GREB1: variants seen among roughly 807,000 people sequenced by gnomAD.
The protein encoded by GREB1 is growth regulating estrogen receptor binding 1.
Under a neutral mutation model 200.7 loss-of-function variants are expected in GREB1, and 106 were observed. That is an observed-to-expected ratio of 0.53 (90% CI 0.45 to 0.62). The LOEUF is 0.62. GREB1 is among the 20% of genes least tolerant of loss of function. The pLI is 0.00. For missense variants in GREB1, 2,243 were observed against 2,556.8 expected (o/e 0.88, Z 2.65); for synonymous variants, 1,132 against 1,092.4 (o/e 1.04, Z -0.72).
At chr2:11,625,649 C>T (rs1218298948) in intron 24 of GREB1, among the ~76,000 whole-genome samples, 1 of 152,144 alleles carries the variant, frequency 6.6e-6, no homozygotes, top group Non-Finnish European at 1.5e-5. Flanking sequence ...ACGTGTTCAC[C>T]TCTCCTCCCC....
intron 19 of GREB1, among the ~76,000 whole-genome samples, chr2:11,614,862 A>G (rs1348565454): frequency 1.3e-5 from 2 of 152,174 alleles, no homozygotes; most frequent in African/African-American, 4.8e-5. Context: ...CCCAAAAGTT[A>G]GTGCAGCACA....
intron 17 of GREB1, among the ~76,000 whole-genome samples, chr2:11,604,595 A>G (rs1682082437): frequency 6.6e-6 from 1 of 152,204 alleles, no homozygotes; most frequent in Admixed American, 6.5e-5. Context: ...ATGGAGAATC[A>G]TAGGAACTTC....
At chr2:11,577,867 G>A (rs560332061) in intron 5 of GREB1, among the ~76,000 whole-genome samples, 28 of 152,334 alleles carry the variant, frequency 1.8e-4, no homozygotes, top group Non-Finnish European at 3.4e-4. Context: ...CCAGTTCACC[G>A]TCTTTGATCA....
At chr2:11,551,751 G>C (rs369866784) in intron 1 of GREB1, among the ~76,000 whole-genome samples, 1 of 152,254 alleles carries the variant, frequency 6.6e-6, no homozygotes. Flanking sequence ...CCGCAGCCCG[G>C]GTTCGATTCC....
At chr2:11,534,462 A>G (rs572548902) in intron 1 of GREB1, among the ~76,000 whole-genome samples, 14 of 152,338 alleles carry the variant, frequency 9.2e-5, no homozygotes, top group Non-Finnish European at 1.5e-4. Flanking sequence ...AACAAGCGTT[A>G]TAGCTGAACT....
At chr2:11,562,017 A>G (rs1292961345) in intron 2 of GREB1, among the ~76,000 whole-genome samples, 1 of 152,084 alleles carries the variant, frequency 6.6e-6, no homozygotes, top group Non-Finnish European at 1.5e-5. Context: ...ACACTATGGT[A>G]CCATCTACAC....
chr2:11,564,192 A>C (rs1486940768), intron 3 of GREB1, among the ~76,000 whole-genome samples: 1 of 152,136 alleles, frequency 6.6e-6, no homozygotes, highest in East Asian at 1.9e-4. Flanking sequence ...AGGAGTGATG[A>C]GACGTGGTGT....
intron 4 of GREB1, among the ~76,000 whole-genome samples, chr2:11,571,299 A>T (rs1678260067): frequency 1.3e-5 from 2 of 152,100 alleles, no homozygotes; most frequent in Non-Finnish European, 2.9e-5. Flanking sequence ...TTTGGAAGGA[A>T]CATAGAGTTG....
intron 6 of GREB1, among the ~76,000 whole-genome samples, chr2:11,579,170 C>A (rs543434366): frequency 2.6e-5 from 4 of 152,334 alleles, no homozygotes; most frequent in African/African-American, 9.6e-5. Flanking sequence ...ACCCACCTGG[C>A]CCATCCATCG....
chr2:11,525,496 C>CAAAAA (rs764748651), intron 1 of GREB1, among the ~76,000 whole-genome samples: 1 of 50,096 alleles, frequency 2.0e-5, no homozygotes, highest in African/African-American at 6.3e-5. Flanking sequence ...GACTCCATCT[C>CAAAAA]AAAAAAAAAA....
Position 11,534,129 on chromosome 2 carries a change from T to C in GREB1, c.-287T>C, listed in dbSNP as rs1674183848. 1 of 152,188 alleles carries C rather than the reference T, an allele frequency of 6.6e-6. No individual in the cohort carries two copies. The highest frequency in any genetic ancestry group is 2.4e-5 in the African/African-American group (1 of 41,432). 9.4% of individuals were successfully genotyped at this position (152,188 alleles called of 1,614,324 possible). On this transcript the variant is annotated 5_prime_UTR_variant, in exon 1 of 33. Transcript: ENST00000381486. ...CAAAGGTAAATGAAATAAAGTTTTT[T>C]CAATGGAAGGCTTGCAGCTCTTGAG...
intron 1 of GREB1, among the ~76,000 whole-genome samples, chr2:11,506,032 A>C (rs1673174540): frequency 6.6e-6 from 1 of 152,236 alleles, no homozygotes; most frequent in South Asian, 2.1e-4. Context: ...TGAAGGAGCG[A>C]CAGGGCTGGG....
At chr2:11,517,489 C>T (rs905147094) in intron 1 of GREB1, 6 of 147,436 alleles carry the variant, frequency 4.1e-5, no homozygotes, top group African/African-American at 1.5e-4. Context: ...CTGGGGAGAC[C>T]CGGTGCTGTA....
chr2:11,570,077 C>G (rs1678105579), intron 4 of GREB1, among the ~76,000 whole-genome samples: 1 of 152,132 alleles, frequency 6.6e-6, no homozygotes, highest in African/African-American at 2.4e-5. Context: ...GACATTGTAT[C>G]ACTTCATCTG....
chr2:11,544,275 G>A (rs1242463167), intron 1 of GREB1, among the ~76,000 whole-genome samples: 3 of 151,702 alleles, frequency 2.0e-5, no homozygotes. Context: ...GGAGTGCGGT[G>A]GTGTGATCTC....
In GREB1 at chr2:11,635,474, G is replaced by T; in HGVS notation, c.5346+69G>T. The T allele has an allele frequency of 2.0e-6, 3 of 1,525,124 alleles. 1 individual carries two copies. Among genetic ancestry groups the T allele is most frequent in the Middle Eastern group, 3.7e-4 (2 of 5,422 alleles). 94.5% of individuals were successfully genotyped at this position (1,525,124 alleles called of 1,614,324 possible). ...GGCCGCCCTGGCACACACACTGAGG[G>T]TAGGAGCCATTGAGGGAGGCCATGT... is the stretch of plus-strand genomic sequence containing the variant. On this transcript the variant is annotated intron_variant, in intron 30 of 32. Transcript: ENST00000381486.
intron 1 of GREB1, among the ~76,000 whole-genome samples, chr2:11,549,826 T>C (rs1312702413): frequency 6.6e-6 from 1 of 152,242 alleles, no homozygotes; most frequent in Non-Finnish European, 1.5e-5. Context: ...TGTCTCTTTG[T>C]TTCTTTTAGT....
At chr2:11,524,318 G>A (rs916075002) in intron 1 of GREB1, among the ~76,000 whole-genome samples, 12 of 152,158 alleles carry the variant, frequency 7.9e-5, no homozygotes, top group African/African-American at 2.9e-4. Flanking sequence ...TGCTAAACAG[G>A]TTGCAATGCA....
chr2:11,491,992 T>C (rs1445797537), intron 1 of GREB1, among the ~76,000 whole-genome samples: 1 of 152,230 alleles, frequency 6.6e-6, no homozygotes, highest in Non-Finnish European at 1.5e-5. Flanking sequence ...TGACTTCTAG[T>C]GTCTGCACCC....
Sources: gnomAD v4.1 joint callset for allele counts (sites outside exome capture counted in the v4.1 genomes callset) on GRCh38, gnomAD v4.1.1 for gene constraint, MANE v1.5 for transcripts, NCBI Gene and HGNC (gene_info 2026-07-23, HGNC 2026-07-21) for gene names.